Variants in KDM4A observed in about 807,000 individuals in gnomAD.
KDM4A encodes the protein lysine demethylase 4A, also known as lysine-specific demethylase 4A.
In KDM4A, 23 loss-of-function variants were observed where a neutral mutation model predicts 127.1. That is an observed-to-expected ratio of 0.18 (90% CI 0.13 to 0.26). The LOEUF (loss-of-function observed/expected upper bound fraction) is 0.26. Ranked by LOEUF, KDM4A falls within the 10% of genes least tolerant of loss-of-function variation. The pLI, the probability that KDM4A is intolerant of heterozygous loss-of-function variation, is 1.00. For synonymous variants in KDM4A, 443 were observed against 466.5 expected (o/e 0.95, Z 0.65); for missense variants, 890 against 1,329.1 (o/e 0.67, Z 5.14).
At chr1:43,652,826 G>A (rs1358988100) in intron 1 of KDM4A, among the ~76,000 whole-genome samples, 3 of 151,306 alleles carry the variant, frequency 2.0e-5, no homozygotes, top group Non-Finnish European at 4.4e-5. Context: ...AGGATTGCAG[G>A]TGCCCGCCAC....
At chr1:43,668,751 T>C (rs1660556138) in intron 9 of KDM4A, among the ~76,000 whole-genome samples, 1 of 152,230 alleles carries the variant, frequency 6.6e-6, no homozygotes, top group African/African-American at 2.4e-5. Context: ...CCAGGGGATC[T>C]GTGCTCTGAG....
rs1661179472 is a variant in KDM4A, at chr1:43,693,932, A to G, written c.2376-62A>G. 2 of 1,434,510 alleles carry G rather than the reference A, an allele frequency of 1.4e-6. No individual in the cohort carries two copies. The highest frequency in any genetic ancestry group is 3.4e-5 in the Admixed American group (2 of 58,356). The allele number at this position is 1,434,510 out of a possible 1,614,324, so 88.9% of individuals were successfully genotyped here. Reference sequence around the variant, plus strand: ...GGAGGAAGCGCTGTCAGCAGGCCCAAAAGAGAAGGCCACAGAGCCTTGGGC... The same window carrying G: ...GGAGGAAGCGCTGTCAGCAGGCCCAGAAGAGAAGGCCACAGAGCCTTGGGC... On this transcript the variant is annotated intron_variant, in intron 16 of 21. Transcript: ENST00000372396. The surrounding 1 kb of genome is among the most constrained non-coding windows in gnomAD (Gnocchi z 4.2).
chr1:43,668,195 G>T (rs370091894), intron 9 of KDM4A, among the ~76,000 whole-genome samples, 176 bp downstream of exon 9: 1 of 151,936 alleles, frequency 6.6e-6, no homozygotes, highest in Non-Finnish European at 1.5e-5. Flanking sequence ...GTGCGATCTC[G>T]GCTCACTGCA....
At chr1:43,669,018 G>A in intron 9 of KDM4A, 82 bp from the exon 10 acceptor site, 2 of 1,434,276 alleles carry the variant, frequency 1.4e-6, no homozygotes, top group Non-Finnish European at 1.9e-6. Context: ...TTCACTTTGG[G>A]TTGTGTGTGG....
In KDM4A at chr1:43,692,283, G is replaced by A; in HGVS notation, c.2347G>A (p.Gly783Arg). ...EDCCLCSLRGGALQRANDDRW... is the reference protein window; with the variant it reads ...EDCCLCSLRGRALQRANDDRW... Reference sequence around the variant, plus strand: ...CTGCTGTTTATGCTCATTACGAGGAGGGGCCCTGCAGAGAGCAAATGATGA... The same window carrying A: ...CTGCTGTTTATGCTCATTACGAGGAAGGGCCCTGCAGAGAGCAAATGATGA... The change falls in exon 16 of 22, where the codon GGG (glycine) becomes AGG (arginine). Residue 783 changes from glycine to arginine, a missense_variant. Physicochemically the swap from Gly to Arg is moderately radical, Grantham distance 125. Around this residue, in one of 7 missense-constraint regions of KDM4A, gnomAD observed 246 missense variants for 418.4 expected, o/e 0.59. Transcript: ENST00000372396. The A allele has an allele frequency of 1.2e-6, 2 of 1,614,160 alleles. No homozygotes were observed. The highest frequency in any genetic ancestry group is 1.7e-6 in the Non-Finnish European group (2 of 1,180,020).
Position 43,698,491 on chromosome 1 carries a change from C to G in KDM4A, c.2841+478C>G, listed in dbSNP as rs376634007. On this transcript the variant is annotated intron_variant, in intron 19 of 21. Coordinates refer to ENST00000372396, the MANE Select transcript of KDM4A (RefSeq NM_014663.3). Reference sequence around the variant, plus strand: ...GAAACTGCCTGGAGACACCCTTGGCCTGTTTATGTTATCAACACCTGAGAC... The same window carrying G: ...GAAACTGCCTGGAGACACCCTTGGCGTGTTTATGTTATCAACACCTGAGAC... 5.7e-4 allele frequency among the ~76,000 whole-genome samples: 87 copies of G among 152,284 alleles called. 1 individual carries two copies. Among genetic ancestry groups the G allele is most frequent in the African/African-American group, 1.8e-3 (74 of 41,558 alleles).
In KDM4A at chr1:43,693,619, G is replaced by A. The variant is rs1000190051; in HGVS notation, c.2376-375G>A. On this transcript the variant is annotated intron_variant, in intron 16 of 21. Coordinates refer to ENST00000372396, the MANE Select transcript of KDM4A (RefSeq NM_014663.3). This position sits in a 1 kb window ranked among gnomAD's most constrained non-coding sequence, Gnocchi z 4.2. ...GGCAGATTAGGGCACAGCCGGGGACGTTTTCAGGAAGCACTTGGGTCCTAT... is the reference window on the plus strand; with the variant it reads ...GGCAGATTAGGGCACAGCCGGGGACATTTTCAGGAAGCACTTGGGTCCTAT... 6.6e-6 allele frequency among the ~76,000 whole-genome samples: 1 copy of A among 151,558 alleles called. No individual in the cohort carries two copies. Among genetic ancestry groups the A allele is most frequent in the African/African-American group, 2.5e-5 (1 of 40,816 alleles).
intron 1 of KDM4A, among the ~76,000 whole-genome samples, chr1:43,652,679 C>CTTTTT (rs771216218): frequency 1.5e-4 from 18 of 118,756 alleles, no homozygotes; most frequent in African/African-American, 3.4e-4. Flanking sequence ...TTCTTTCTTT[C>CTTTTT]TTTTTTTTTT....
Position 43,694,184 on chromosome 1 carries a change from G to A in KDM4A, c.2484+82G>A, listed in dbSNP as rs976453241. 1 of 1,114,958 alleles carries A rather than the reference G, an allele frequency of 9.0e-7. No individual in the cohort carries two copies. The highest frequency in any genetic ancestry group is 1.4e-5 in the South Asian group (1 of 71,794). The allele number at this position is 1,114,958 out of a possible 1,614,324, so 69.1% of individuals were successfully genotyped here. A position where few individuals can be genotyped will look rare whatever the true frequency, so the allele number is the denominator to read the frequency against. On this transcript the variant is annotated intron_variant, in intron 17 of 21. Coordinates refer to ENST00000372396, the MANE Select transcript of KDM4A (RefSeq NM_014663.3). This position sits in a 1 kb window ranked among gnomAD's most constrained non-coding sequence, Gnocchi z 5.2. ...GAACAGGGACCTCCTGTACCCCTTG[G>A]TTTTGGTTAGAGTTTGTGATTCTCA... is the stretch of plus-strand genomic sequence containing the variant.
intron 8 of KDM4A, 91 bp from the exon 9 acceptor site, chr1:43,667,681 G>A: frequency 6.5e-7 from 1 of 1,537,826 alleles, no homozygotes; most frequent in Non-Finnish European, 8.9e-7. Context: ...TCTTGCACTT[G>A]TTTCCATGTG....
chr1:43,689,525 G>A (rs1661062159), intron 13 of KDM4A, among the ~76,000 whole-genome samples: 1 of 152,190 alleles, frequency 6.6e-6, no homozygotes, highest in Admixed American at 6.5e-5. Flanking sequence ...CACAATGCGT[G>A]TTGCCAGTAG....
chr1:43,703,805 G>C, intron 20 of KDM4A, 69 bp downstream of exon 20: 1 of 1,595,422 alleles, frequency 6.3e-7, no homozygotes, highest in African/African-American at 1.3e-5. Flanking sequence ...TGTTGGGCCA[G>C]AGGCGAGTCT....
intron 19 of KDM4A, among the ~76,000 whole-genome samples, chr1:43,700,443 T>C (rs1455892751): frequency 6.6e-6 from 1 of 152,166 alleles, no homozygotes; most frequent in East Asian, 1.9e-4. Flanking sequence ...GGTATTTTAA[T>C]AGTCTTTCAG....
At chr1:43,651,592 C>G (rs761014908) in intron 1 of KDM4A, among the ~76,000 whole-genome samples, 1 of 152,146 alleles carries the variant, frequency 6.6e-6, no homozygotes, top group African/African-American at 2.4e-5. Context: ...CTCTCCAACT[C>G]TCAAAGAGAG....
chr1:43,676,555 G>A (rs1003675752), intron 11 of KDM4A, among the ~76,000 whole-genome samples: 8 of 152,064 alleles, frequency 5.3e-5, no homozygotes, highest in South Asian at 2.1e-4. Flanking sequence ...CCCTGCCCTC[G>A]TGATCCACCT....
chr1:43,660,163 C>T (rs1025977016), intron 3 of KDM4A, 135 bp from the exon 4 acceptor site: 2 of 965,330 alleles, frequency 2.1e-6, no homozygotes, highest in African/African-American at 1.6e-5. Context: ...GTATTAGAGC[C>T]TTGAAGGCCA....
chr1:43,667,864 G>A lies in KDM4A; in HGVS notation c.1008G>A (p.Lys336=). 6.2e-7 allele frequency: 1 copy of A among 1,614,156 alleles called. No homozygotes were observed. Among genetic ancestry groups the A allele is most frequent in the Non-Finnish European group, 8.5e-7 (1 of 1,180,028 alleles). The change falls in exon 9 of 22, where the codon AAG becomes AAA. Residue 336 remains lysine, a synonymous_variant. Transcript: ENST00000372396. ...GGTACAAACTTTGGAAAGCTGGGAA[G>A]GACAACACAGTTATTGACCATACTC... ...PERYKLWKAG[K]DNTVIDHTLP... is the part of the protein sequence containing the mutation.
chr1:43,660,464 CT>C, intron 4 of KDM4A, 52 bp downstream of exon 4: 6 of 1,543,172 alleles, frequency 3.9e-6, no homozygotes, highest in South Asian at 1.2e-5. Flanking sequence ...TTTGTAATAC[CT>C]TTTTTTCGGC....
At position 43,653,127 on chromosome 1, in the gene KDM4A, G is replaced by A. The variant is rs1660157751; in HGVS notation, c.-39-10G>A. On this transcript the variant is annotated splice_polypyrimidine_tract_variant and intron_variant, in intron 1 of 21. Coordinates refer to ENST00000372396, the MANE Select transcript of KDM4A (RefSeq NM_014663.3). ...TTATATTATTTTATACTCTTAATGT[G>A]TTTCTTCAGATTCCTGTCTGACTAA... 1.3e-6 allele frequency: 2 copies of A among 1,511,466 alleles called. No homozygotes were observed. Among genetic ancestry groups the A allele is most frequent in the Non-Finnish European group, 1.8e-6 (2 of 1,112,488 alleles). The allele number at this position is 1,511,466 out of a possible 1,614,324, so 93.6% of individuals were successfully genotyped here. A position where few individuals can be genotyped will look rare whatever the true frequency, so the allele number is the denominator to read the frequency against.
Sources: gnomAD v4.1 joint callset for allele counts (sites outside exome capture counted in the v4.1 genomes callset) on GRCh38, gnomAD v4.1.1 for gene constraint, gnomAD v4.1.1 regional missense constraint, Gnocchi (gnomAD v3.1) non-coding constraint, MANE v1.5 for transcripts, NCBI Gene and HGNC (gene_info 2026-07-23, HGNC 2026-07-21) for gene names.